SPINT1: variants seen among roughly 807,000 people sequenced by gnomAD.
SPINT1 encodes the protein serine peptidase inhibitor, Kunitz type 1.
In SPINT1, 38 loss-of-function variants were observed where a neutral mutation model predicts 53.7. The observed-to-expected ratio is 0.71, with a 90% CI of 0.55 to 0.93. The LOEUF (loss-of-function observed/expected upper bound fraction) is 0.93, where lower values mean the gene tolerates loss of function less well. Ranked by LOEUF, SPINT1 falls within the 40% of genes least tolerant of loss-of-function variation. The probability of loss-of-function intolerance (pLI) is 0.00; values close to 1 mark genes in which losing one functional copy is unlikely to be tolerated. For synonymous variants in SPINT1, 283 were observed against 280.6 expected (o/e 1.01, Z -0.08); for missense variants, 645 against 692.9 (o/e 0.93, Z 0.78).
rs769812130 is a variant in SPINT1 at position 40,844,810 on chromosome 15, G to A, written c.256G>A (p.Asp86Asn). 6.2e-7 allele frequency: 1 copy of A among 1,613,508 alleles called. No homozygotes were observed. Among genetic ancestry groups the A allele is most frequent in the Non-Finnish European group, 8.5e-7 (1 of 1,179,844 alleles). The change falls in exon 2 of 11, where the codon GAC (aspartate) becomes AAC (asparagine). Residue 86 changes from aspartate (D) to asparagine (N), a missense_variant. Physicochemically the swap from Asp to Asn is conservative, Grantham distance 23 (BLOSUM62 1). Transcript: ENST00000562057. This position sits in a 1 kb window ranked among gnomAD's most constrained non-coding sequence, Gnocchi z 5.8. The part of the protein sequence containing the change: ...LESPTVRRGW[D>N]CVRACCTTQN... ...GTCCCCCACCGTGCGCCGGGGCTGG[G>A]ACTGCGTGCGCGCCTGCTGCACCAC...
chr15:40,849,360 A>G (rs975151359), intron 2 of SPINT1, among the ~76,000 whole-genome samples: 1 of 151,986 alleles, frequency 6.6e-6, no homozygotes, highest in Non-Finnish European at 1.5e-5. Context: ...GATCCTCCCA[A>G]CCTCATCTTC....
rs991785706 is a variant in SPINT1 at position 40,857,788 on chromosome 15, C to T, written c.*813C>T. ...TCCCATCGTCTCTCTCGAAACTGGC[C>T]TGGCCCCTGACTTTGGAGAGCAGTG... is the stretch of plus-strand genomic sequence containing the variant. On this transcript the variant is annotated 3_prime_UTR_variant, in exon 11 of 11. Coordinates refer to ENST00000562057, the MANE Select transcript of SPINT1 (RefSeq NM_003710.4). 7 of 152,384 alleles carry T rather than the reference C, an allele frequency of 4.6e-5. No individual in the cohort carries two copies. Among genetic ancestry groups the T allele is most frequent in the African/African-American group, 1.7e-4 (7 of 41,450 alleles). 9.4% of individuals were successfully genotyped at this position (152,384 alleles called of 1,614,324 possible). A position where few individuals can be genotyped will look rare whatever the true frequency, so the allele number is the denominator to read the frequency against.
At chr15:40,853,435 G>A (rs1891522878) in intron 3 of SPINT1, 54 bp from the exon 4 acceptor site, 1 of 1,613,360 alleles carries the variant, frequency 6.2e-7, no homozygotes, top group African/African-American at 1.3e-5. Context: ...CAGGCCTGGG[G>A]CAGCCCAAGG....
chr15:40,853,390 C>G, intron 3 of SPINT1, 99 bp from the exon 4 acceptor site: 2 of 1,604,458 alleles, frequency 1.2e-6, no homozygotes, highest in Non-Finnish European at 1.7e-6. Context: ...TCCAACTCCC[C>G]CTGGCCTCCC....
In SPINT1 at chr15:40,853,523, T is replaced by A; in HGVS notation, c.638T>A (p.Leu213His). 1 of 1,614,066 alleles carries A rather than the reference T, an allele frequency of 6.2e-7. No homozygotes were observed. Among genetic ancestry groups the A allele is most frequent in the Admixed American group, 1.7e-5 (1 of 60,010 alleles). The change falls in exon 4 of 11, where the codon CTC (leucine) becomes CAC (histidine). Residue 213 changes from leucine to histidine, a missense_variant. Coordinates refer to ENST00000562057, the MANE Select transcript of SPINT1 (RefSeq NM_003710.4). The stretch of plus-strand genomic sequence containing the variant: ...CCAAACCAGGTGGAACTGTGGGGAC[T>A]CAAGGAAGGCACCTACCTGTTCCAG... The part of the protein sequence containing the change: ...KDPNQVELWG[L>H]KEGTYLFQLT...
intron 3 of SPINT1, 101 bp from the exon 4 acceptor site, chr15:40,853,388 C>T: frequency 1.2e-6 from 2 of 1,603,776 alleles, no homozygotes; most frequent in Non-Finnish European, 1.7e-6. Flanking sequence ...AATCCAACTC[C>T]CCCTGGCCTC....
At chr15:40,845,130 T>A (rs890090181) in intron 2 of SPINT1, 101 bp downstream of exon 2, 1 of 977,304 alleles carries the variant, frequency 1.0e-6, no homozygotes, top group African/African-American at 1.7e-5. Context: ...TTAAGGAGAG[T>A]TCACTTTTTT....
Position 40,844,815 on chromosome 15 carries a change from C to T in SPINT1, c.261C>T (p.Cys87=). The change falls in exon 2 of 11, where the codon TGC becomes TGT. Residue 87 remains cysteine, a synonymous_variant. Transcript: ENST00000562057. This position sits in a 1 kb window ranked among gnomAD's most constrained non-coding sequence, Gnocchi z 5.8. ...CCACCGTGCGCCGGGGCTGGGACTG[C>T]GTGCGCGCCTGCTGCACCACCCAGA... ...ESPTVRRGWD[C]VRACCTTQNC... 1.2e-6 allele frequency: 2 copies of T among 1,613,512 alleles called. No individual in the cohort carries two copies. Among genetic ancestry groups the T allele is most frequent in the Admixed American group, 1.7e-5 (1 of 59,994 alleles).
At chr15:40,851,042 A>G (rs1466635737) in intron 2 of SPINT1, among the ~76,000 whole-genome samples, 1 of 152,096 alleles carries the variant, frequency 6.6e-6, no homozygotes, top group Non-Finnish European at 1.5e-5. Context: ...GCTGTGTCCA[A>G]ACACCCTGGC....
Position 40,857,037 on chromosome 15 carries a change from C to T in SPINT1, c.*62C>T. 6.3e-7 allele frequency: 1 copy of T among 1,582,044 alleles called. No homozygotes were observed. The highest frequency in any genetic ancestry group is 8.6e-7 in the Non-Finnish European group (1 of 1,161,632). ...CTGCTTGCCAAGGCAGAGGCCTGGG[C>T]TGGGAAAAACTTTGGAACCAGACTC... On this transcript the variant is annotated 3_prime_UTR_variant, in exon 11 of 11. Transcript: ENST00000562057.
chr15:40,852,562 C>T (rs1297370430), intron 2 of SPINT1, among the ~76,000 whole-genome samples: 1 of 151,708 alleles, frequency 6.6e-6, no homozygotes, highest in Non-Finnish European at 1.5e-5. Context: ...TAACTGGAGG[C>T]CGAGTCTGTC....
intron 8 of SPINT1, 71 bp from the exon 9 acceptor site, chr15:40,855,821 A>T: frequency 6.5e-7 from 1 of 1,529,746 alleles, no homozygotes; most frequent in Non-Finnish European, 8.9e-7. Context: ...GGCAGCAGCC[A>T]CGTGGAGCCT....
chr15:40,848,102 A>G (rs1188985196), intron 2 of SPINT1, among the ~76,000 whole-genome samples: 1 of 152,074 alleles, frequency 6.6e-6, no homozygotes, highest in East Asian at 1.9e-4. Flanking sequence ...CCTCTGAAAC[A>G]TTCAACATGT....
rs575739063 is a variant in SPINT1 at position 40,854,536 on chromosome 15, G to A, written c.1066+14G>A. 2.5e-6 allele frequency: 4 copies of A among 1,613,730 alleles called. No homozygotes were observed. Among genetic ancestry groups the A allele is most frequent in the South Asian group, 2.2e-5 (2 of 91,074 alleles). On this transcript the variant is annotated intron_variant, in intron 7 of 10. Transcript: ENST00000562057. ...CCTGTGAAAAATGTGAGGCCTGGGG[G>A]ATAGAGGGGGTTGGGCAGCAGACAG...
Position 40,853,721 on chromosome 15 carries a change from C to A in SPINT1, c.753C>A (p.Leu251=). The stretch of plus-strand genomic sequence containing the variant: ...AGCTCTCCCCCCTAGACTACTGCCT[C>A]GCATCCAACAAGGTGGGTCGCTGCC... The part of the protein sequence containing the change: ...LSTKQTEDYC[L]ASNKVGRCRG... The change falls in exon 5 of 11, where the codon CTC becomes CTA. Residue 251 remains leucine (L), a synonymous_variant. Transcript: ENST00000562057. The A allele has an allele frequency of 6.2e-7, 1 of 1,614,110 alleles. No individual in the cohort carries two copies. Among genetic ancestry groups the A allele is most frequent in the South Asian group, 1.1e-5 (1 of 91,092 alleles).
chr15:40,852,773 G>C (rs1891498300), intron 2 of SPINT1, among the ~76,000 whole-genome samples: 1 of 151,700 alleles, frequency 6.6e-6, no homozygotes, highest in Non-Finnish European at 1.5e-5. Flanking sequence ...CGAGGCCGAG[G>C]CAGGAGGATT....
In SPINT1 at chr15:40,844,072, A is replaced by G. The variant is rs1481081043; in HGVS notation, c.-180A>G. 1.2e-5 allele frequency: 5 copies of G among 428,036 alleles called. No homozygotes were observed. Among genetic ancestry groups the G allele is most frequent in the South Asian group, 8.0e-5 (5 of 62,204 alleles). 26.5% of individuals were successfully genotyped at this position (428,036 alleles called of 1,614,324 possible). On this transcript the variant is annotated 5_prime_UTR_variant, in exon 1 of 11. Coordinates refer to ENST00000562057, the MANE Select transcript of SPINT1 (RefSeq NM_003710.4). This position sits in a 1 kb window ranked among gnomAD's most constrained non-coding sequence, Gnocchi z 5.8. Reference sequence around the variant, plus strand: ...CAGTTTCACCAGAAACCAGGGGGAGAAGGCGGCCGAGCCCCAGCTCTCCGA... The same window carrying G: ...CAGTTTCACCAGAAACCAGGGGGAGGAGGCGGCCGAGCCCCAGCTCTCCGA...
At position 40,857,979 on chromosome 15, in the gene SPINT1, G is replaced by A. The variant is rs1473821793; in HGVS notation, c.*1004G>A. 1 of 152,128 alleles carries A rather than the reference G, an allele frequency of 6.6e-6. No individual in the cohort carries two copies. Among genetic ancestry groups the A allele is most frequent in the Non-Finnish European group, 1.5e-5 (1 of 68,050 alleles). 9.4% of individuals were successfully genotyped at this position (152,128 alleles called of 1,614,324 possible). On this transcript the variant is annotated 3_prime_UTR_variant, in exon 11 of 11. Coordinates refer to ENST00000562057, the MANE Select transcript of SPINT1 (RefSeq NM_003710.4). ...CTGCTCATTTGGAGGTTGGGGTTAG[G>A]GGTGCACAGGCACCTTGGCTCCTAC...
At position 40,844,614 on chromosome 15, in the gene SPINT1, C is replaced by T. The variant is rs760563007; in HGVS notation, c.60C>T (p.Val20=). Residue 20 remains valine (V), a synonymous_variant, in exon 2 of 11, where the codon GTC becomes GTT. Coordinates refer to ENST00000562057, the MANE Select transcript of SPINT1 (RefSeq NM_003710.4). This position sits in a 1 kb window ranked among gnomAD's most constrained non-coding sequence, Gnocchi z 5.8. The part of the protein sequence containing the change: ...ARLAPAGIPA[V]ALWLLCTLGL... ...TCGCCCCGGCCGGCATCCCTGCCGT[C>T]GCCTTGTGGCTTCTGTGCACGCTCG... 4.3e-6 allele frequency: 7 copies of T among 1,609,674 alleles called. No homozygotes were observed. In the South Asian group the frequency reaches 6.6e-5, roughly 15 times the overall value.
Sources: allele counts gnomAD v4.1 joint callset (sites outside exome capture counted in the v4.1 genomes callset), GRCh38; gene constraint gnomAD v4.1.1; non-coding constraint Gnocchi (gnomAD v3.1); transcripts MANE v1.5; gene names NCBI Gene and HGNC (gene_info 2026-07-23, HGNC 2026-07-21).